The following URM1 variants were observed in gnomAD, a reference collection of about 807,000 sequenced individuals.
The protein encoded by URM1 is ubiquitin related modifier 1.
A neutral mutation model predicts 17.7 loss-of-function variants in URM1; 11 were observed. The observed-to-expected ratio is 0.62, with a 90% CI of 0.39 to 1.03. The LOEUF (loss-of-function observed/expected upper bound fraction) is 1.03, where lower values mean the gene tolerates loss of function less well. Among genes scored for constraint, URM1 ranks in the 50% least tolerant of loss-of-function variants. URM1 has a pLI of 0.00. For missense variants in URM1, 128 were observed against 129.2 expected (o/e 0.99, Z 0.04); for synonymous variants, 48 against 50.6 (o/e 0.95, Z 0.22).
chr9:128,375,159 C>G (rs1008594750), intron 1 of URM1, among the ~76,000 whole-genome samples: 2 of 152,216 alleles, frequency 1.3e-5, no homozygotes, highest in Non-Finnish European at 2.9e-5. Context: ...TTCCCTGGGA[C>G]TCCCTGAGGA....
At chr9:128,380,028 G>T (rs1051836228) in intron 2 of URM1, among the ~76,000 whole-genome samples, 1 of 151,986 alleles carries the variant, frequency 6.6e-6, no homozygotes, top group Non-Finnish European at 1.5e-5. Flanking sequence ...CTGAAGGATT[G>T]CTTGAGCCCA....
chr9:128,373,616 A>G (rs1833040232), intron 1 of URM1, among the ~76,000 whole-genome samples: 1 of 152,114 alleles, frequency 6.6e-6, no homozygotes, highest in African/African-American at 2.4e-5. Context: ...GCGTTTTCTC[A>G]GGTCACGCAG....
chr9:128,374,910 C>T (rs1490461344), intron 1 of URM1, among the ~76,000 whole-genome samples: 3 of 152,230 alleles, frequency 2.0e-5, no homozygotes, highest in Non-Finnish European at 4.4e-5. Flanking sequence ...CCCCGCCTTC[C>T]CTTGGCCAGG....
At chr9:128,382,424 G>C (rs988376064) in intron 2 of URM1, among the ~76,000 whole-genome samples, 1 of 152,170 alleles carries the variant, frequency 6.6e-6, no homozygotes, top group Non-Finnish European at 1.5e-5. Context: ...TCCCAGCCTA[G>C]GGGCTGCCAC....
At chr9:128,388,235 G>C in intron 3 of URM1, 2 of 1,145,280 alleles carry the variant, frequency 1.7e-6, no homozygotes, top group Non-Finnish European at 2.2e-6. Context: ...AAAAAACGTA[G>C]CTAGTACAAC....
chr9:128,385,734 G>A (rs1336926373), intron 2 of URM1, among the ~76,000 whole-genome samples: 2 of 152,036 alleles, frequency 1.3e-5, no homozygotes, highest in South Asian at 2.1e-4. Flanking sequence ...AGGCCAGGCC[G>A]AGTGGCCCTT....
At chr9:128,384,840 G>A (rs1288575630) in intron 2 of URM1, among the ~76,000 whole-genome samples, 2 of 152,110 alleles carry the variant, frequency 1.3e-5, no homozygotes, top group Non-Finnish European at 2.9e-5. Flanking sequence ...AAGTGATGGA[G>A]TCCAGCTCAA....
In URM1 at chr9:128,389,832, G is replaced by A; in HGVS notation, c.*98G>A. 1 of 1,529,232 alleles carries A rather than the reference G, an allele frequency of 6.5e-7. No individual in the cohort carries two copies. Among genetic ancestry groups the A allele is most frequent in the Non-Finnish European group, 8.9e-7 (1 of 1,121,442 alleles). 94.7% of individuals were successfully genotyped at this position (1,529,232 alleles called of 1,614,324 possible). On this transcript the variant is annotated 3_prime_UTR_variant, in exon 5 of 5. Transcript: ENST00000372853. ...CCAGGTCTCCCTGTCCCCCTTGCCTGCCTTCTTCCCTGCTCTGTCCCCTAA... is the reference window on the plus strand; with the variant it reads ...CCAGGTCTCCCTGTCCCCCTTGCCTACCTTCTTCCCTGCTCTGTCCCCTAA...
intron 2 of URM1, among the ~76,000 whole-genome samples, chr9:128,379,672 C>T (rs926498345): frequency 1.3e-5 from 2 of 151,804 alleles, no homozygotes; most frequent in African/African-American, 4.8e-5. Context: ...TGGTGGCATG[C>T]GCCTGTAATC....
intron 1 of URM1, among the ~76,000 whole-genome samples, chr9:128,377,002 TA>T (rs1221602106): frequency 6.6e-6 from 1 of 151,942 alleles, no homozygotes; most frequent in Non-Finnish European, 1.5e-5. Flanking sequence ...AAATAGATAA[TA>T]ATTTCCCGGG....
At chr9:128,388,203 C>CCTG in intron 3 of URM1, 1 of 1,198,874 alleles carries the variant, frequency 8.3e-7, no homozygotes, top group Non-Finnish European at 1.0e-6. Context: ...CTCAGTTACT[C>CCTG]TCTACACAGA....
At position 128,384,410 on chromosome 9, in the gene URM1, C is replaced by T. The variant is rs544786264; in HGVS notation, c.107-3406C>T. 1.4e-4 allele frequency among the ~76,000 whole-genome samples: 22 copies of T among 152,320 alleles called. No individual in the cohort carries two copies. In the South Asian group the frequency reaches 4.3e-3, roughly 30 times the overall value. ...TTGTACTGGGAGCATTGGCCAACCC[C>T]AACATCTTGTGGGTTCAAACATCTA... On this transcript the variant is annotated intron_variant, in intron 2 of 4. Transcript: ENST00000372853.
chr9:128,372,268 ATGTGTG>A (rs150609498), intron 1 of URM1, among the ~76,000 whole-genome samples: 2 of 149,920 alleles, frequency 1.3e-5, no homozygotes, highest in Non-Finnish European at 3.0e-5. Context: ...ATAGGTAGGG[ATGTGTG>A]TGTGTGTGTG....
intron 2 of URM1, among the ~76,000 whole-genome samples, chr9:128,385,451 T>C (rs1833213521): frequency 6.6e-6 from 1 of 151,962 alleles, no homozygotes; most frequent in African/African-American, 2.4e-5. Context: ...CAATAAATAT[T>C]TTTCTCCTGC....
chr9:128,373,573 C>T (rs1833039559), intron 1 of URM1, among the ~76,000 whole-genome samples: 1 of 152,132 alleles, frequency 6.6e-6, no homozygotes, highest in African/African-American at 2.4e-5. Flanking sequence ...CGTCTGCCAC[C>T]CTTTGTCTTC....
At chr9:128,388,175 T>A (rs1201208413) in intron 3 of URM1, 2 of 1,237,916 alleles carry the variant, frequency 1.6e-6, no homozygotes, top group Middle Eastern at 3.1e-4. Flanking sequence ...TTAGGCGACT[T>A]ACTTCGCTTC....
intron 1 of URM1, among the ~76,000 whole-genome samples, chr9:128,375,809 G>A (rs1012831418): frequency 4.0e-5 from 6 of 151,806 alleles, no homozygotes; most frequent in Admixed American, 6.6e-5. Context: ...ATCCTCCCTC[G>A]CCTCTCAGCC....
In URM1 at chr9:128,379,340, G is replaced by A. The variant is rs569447883; in HGVS notation, c.106+1234G>A. On this transcript the variant is annotated intron_variant, in intron 2 of 4. Coordinates refer to ENST00000372853, the MANE Select transcript of URM1 (RefSeq NM_030914.4). ...ACTAACAGTACAAAAATTAGCTGGC[G>A]CAGTGGCAGGCATCTGTAATCCCAG... 1.8e-4 allele frequency among the ~76,000 whole-genome samples: 27 copies of A among 151,844 alleles called. 1 individual carries two copies. The South Asian group carries it at 3.3e-3, about 19-fold the overall frequency.
At chr9:128,378,130 C>T (rs374550806) in intron 2 of URM1, 24 bp downstream of exon 2, 1 of 1,553,332 alleles carries the variant, frequency 6.4e-7, no homozygotes, top group Non-Finnish European at 8.8e-7. Flanking sequence ...TTCTGAACCC[C>T]TCTCTTGGGG....
Sources: gnomAD v4.1 joint callset for allele counts (sites outside exome capture counted in the v4.1 genomes callset) on GRCh38, gnomAD v4.1.1 for gene constraint, MANE v1.5 for transcripts, NCBI Gene and HGNC (gene_info 2026-07-23, HGNC 2026-07-21) for gene names.